OR51M1: variants seen among roughly 807,000 people sequenced by gnomAD.
OR51M1 encodes the protein olfactory receptor family 51 subfamily M member 1, also known as olfactory receptor 51M1.
For synonymous variants in OR51M1, 199 were observed against 155.1 expected, an observed-to-expected ratio of 1.28 and a Z score of -2.10; for missense variants, 509 against 404.4, an observed-to-expected ratio of 1.26 and a Z score of -2.22.
chr11:5,389,866 A>G lies in OR51M1; in HGVS notation c.468A>G (p.Ala156=). ...TCACTGGCCAGCAAGTGGTCAGAGC[A>G]GGCCTAATTGTCATCTTCCGGGGAC... ...VIITGQQVVR[A]GLIVIFRGPV... The change falls in exon 3 of 3, where the codon GCA becomes GCG. Residue 156 remains alanine (A), a synonymous_variant. Transcript: ENST00000642046. 1 of 1,613,652 alleles carries G rather than the reference A, an allele frequency of 6.2e-7. No homozygotes were observed. The highest frequency in any genetic ancestry group is 1.1e-5 in the South Asian group (1 of 91,076).
chr11:5,388,201 A>G (rs1012158960), intron 2 of OR51M1, among the ~76,000 whole-genome samples: 1 of 152,150 alleles, frequency 6.6e-6, no homozygotes, highest in Non-Finnish European at 1.5e-5. Context: ...TTCCAATGAT[A>G]TGGTGGCTAA....
At chr11:5,385,672 G>GTT (rs1849678079) in intron 2 of OR51M1, among the ~76,000 whole-genome samples, 1 of 150,848 alleles carries the variant, frequency 6.6e-6, no homozygotes, top group African/African-American at 2.4e-5. Context: ...TAAAGAATAC[G>GTT]TATAAATACT....
In OR51M1 at chr11:5,390,079, A is replaced by T. The variant is rs761975347; in HGVS notation, c.681A>T (p.Ala227=). The part of the protein sequence containing the change: ...FTVMLDLVLI[A]LSYGLILHTV... ...TGATGCTGGACCTGGTGCTCATCGC[A>T]CTGTCCTATGGACTCATCCTGCACA... is the stretch of plus-strand genomic sequence containing the variant. The change falls in exon 3 of 3, where the codon GCA becomes GCT. Residue 227 remains alanine (A), a synonymous_variant. Coordinates refer to ENST00000642046, the MANE Select transcript of OR51M1 (RefSeq NM_001004756.3). The T allele has an allele frequency of 6.2e-7, 1 of 1,613,732 alleles. No individual in the cohort carries two copies. Among genetic ancestry groups the T allele is most frequent in the East Asian group, 2.2e-5 (1 of 44,868 alleles).
rs1025063115 is a variant in OR51M1, at chr11:5,391,191, C to G, written c.*812C>G. 1 of 152,232 alleles carries G rather than the reference C, an allele frequency of 6.6e-6. No homozygotes were observed. Among genetic ancestry groups the G allele is most frequent in the African/African-American group, 2.4e-5 (1 of 41,468 alleles). The allele number at this position is 152,232 out of a possible 1,614,324, so 9.4% of individuals were successfully genotyped here. On this transcript the variant is annotated 3_prime_UTR_variant, in exon 3 of 3. Transcript: ENST00000642046. The stretch of plus-strand genomic sequence containing the variant: ...ATCCCATTGCTCAGGAGGAAATAAA[C>G]TTTACATTGGCTGATCAGCCTGTCC...
In OR51M1 at chr11:5,393,041, A is replaced by G. The variant is rs888656048; in HGVS notation, c.*2662A>G. 6.6e-6 allele frequency: 1 copy of G among 152,238 alleles called. No individual in the cohort carries two copies. The highest frequency in any genetic ancestry group is 2.4e-5 in the African/African-American group (1 of 41,466). 9.4% of individuals were successfully genotyped at this position (152,238 alleles called of 1,614,324 possible). On this transcript the variant is annotated 3_prime_UTR_variant, in exon 3 of 3. Coordinates refer to ENST00000642046, the MANE Select transcript of OR51M1 (RefSeq NM_001004756.3). ...TATAAAAAACAAAATACATCAAAAG[A>G]CTTGAAAATATTCATGCTCTGTGTC...
At chr11:5,384,386 G>A (rs12360746) in intron 1 of OR51M1, among the ~76,000 whole-genome samples, 184 of 152,206 alleles carry the variant, frequency 1.2e-3, no homozygotes, top group African/African-American at 4.2e-3. Context: ...AGAAACCAGG[G>A]TTCTCACAGA....
intron 2 of OR51M1, among the ~76,000 whole-genome samples, chr11:5,385,944 C>A (rs200539446): frequency 6.8e-6 from 1 of 147,934 alleles, no homozygotes; most frequent in African/African-American, 2.5e-5. Context: ...TAAGTATGTT[C>A]TATATATATA....
intron 2 of OR51M1, among the ~76,000 whole-genome samples, 197 bp from the exon 3 acceptor site, chr11:5,389,187 G>A (rs377665410): frequency 1.0e-3 from 155 of 152,230 alleles, no homozygotes; most frequent in African/African-American, 3.6e-3. Context: ...GAGAGGAACT[G>A]AAATAATTGA....
At chr11:5,387,572 TCATA>T (rs1409760023) in intron 2 of OR51M1, among the ~76,000 whole-genome samples, 1 of 152,156 alleles carries the variant, frequency 6.6e-6, no homozygotes, top group African/African-American at 2.4e-5. Flanking sequence ...ACCTGCAAGA[TCATA>T]CATGACGTAG....
rs753829908 is a variant in OR51M1 at position 5,389,595 on chromosome 11, G to A, written c.197G>A (p.Arg66His). 96 of 1,613,584 alleles carry A rather than the reference G, an allele frequency of 5.9e-5. No individual in the cohort carries two copies. The highest frequency in any genetic ancestry group is 1.6e-4 in the Middle Eastern group (1 of 6,084). Residue 66 changes from arginine to histidine, a missense_variant, in exon 3 of 3, where the codon CGT (arginine) becomes CAT (histidine). Transcript: ENST00000642046. Reference sequence around the variant, plus strand: ...CTGATCATTATTAAGACCAACCCTCGTCTGCACACACCCATGTACTATCTA... The same window carrying A: ...CTGATCATTATTAAGACCAACCCTCATCTGCACACACCCATGTACTATCTA... ...FILIIIKTNP[R>H]LHTPMYYLLS...
At position 5,389,468 on chromosome 11, in the gene OR51M1, T is replaced by TTCTA; in HGVS notation, c.74_77dup (p.Thr27SerfsTer37). ...CAACATTACTCAGTTTAGCCCCATATTCTATCTCACCAGCTTTCCTGGATT... is the reference window on the plus strand; with the variant it reads ...CAACATTACTCAGTTTAGCCCCATATTCTATCTATCTCACCAGCTTTCCTGGATT... On this transcript the variant is annotated frameshift_variant, in exon 3 of 3. Coordinates refer to ENST00000642046, the MANE Select transcript of OR51M1 (RefSeq NM_001004756.3). LOFTEE classifies it low-confidence loss of function (END_TRUNC). 1 of 1,614,018 alleles carries TTCTA rather than the reference T, an allele frequency of 6.2e-7. No individual in the cohort carries two copies. Among genetic ancestry groups the TTCTA allele is most frequent in the Non-Finnish European group, 8.5e-7 (1 of 1,179,874 alleles).
chr11:5,387,942 C>A (rs1055992436), intron 2 of OR51M1, among the ~76,000 whole-genome samples: 2 of 152,030 alleles, frequency 1.3e-5, no homozygotes, highest in Non-Finnish European at 2.9e-5. Flanking sequence ...TGTTTCTGTT[C>A]ATTGTATTTT....
intron 2 of OR51M1, among the ~76,000 whole-genome samples, chr11:5,387,138 A>G (rs1228343205): frequency 2.0e-5 from 3 of 152,180 alleles, no homozygotes; most frequent in African/African-American, 7.2e-5. Flanking sequence ...AAACTGAATA[A>G]CATAAATATT....
Position 5,390,390 on chromosome 11 carries a change from T to G in OR51M1, c.*11T>G. ...AAGGCCAGTAAATGAGTCCTGGGGCTAAAACTCCCCCTAGAGGCCTATAAG... is the reference window on the plus strand; with the variant it reads ...AAGGCCAGTAAATGAGTCCTGGGGCGAAAACTCCCCCTAGAGGCCTATAAG... On this transcript the variant is annotated 3_prime_UTR_variant, in exon 3 of 3. Transcript: ENST00000642046. The G allele has an allele frequency of 6.4e-7, 1 of 1,572,498 alleles. No homozygotes were observed. Among genetic ancestry groups the G allele is most frequent in the South Asian group, 1.2e-5 (1 of 85,470 alleles).
chr11:5,386,721 G>C (rs555987290), intron 2 of OR51M1, among the ~76,000 whole-genome samples: 44 of 152,018 alleles, frequency 2.9e-4, no homozygotes, highest in African/African-American at 1.1e-3. Flanking sequence ...AGCAGGTGTG[G>C]AAAAGCTAAG....
At position 5,389,431 on chromosome 11, in the gene OR51M1, C is replaced by A. The variant is rs1367075906; in HGVS notation, c.33C>A (p.Phe11Leu). ...TCCAATATTCGCTCAGTCCTCAATT[C>A]ATGCTGCTATCCAACATTACTCAGT... is the stretch of plus-strand genomic sequence containing the variant. MSVQYSLSPQ[F>L]MLLSNITQFS... is the part of the protein sequence containing the mutation. The change falls in exon 3 of 3, where the codon TTC becomes TTA. Residue 11 changes from phenylalanine (F) to leucine (L), a missense_variant. Physicochemically the swap from Phe to Leu is conservative, Grantham distance 22. Coordinates refer to ENST00000642046, the MANE Select transcript of OR51M1 (RefSeq NM_001004756.3). 7 of 1,613,788 alleles carry A rather than the reference C, an allele frequency of 4.3e-6. No individual in the cohort carries two copies. The Admixed American group carries it at 6.7e-5, about 15-fold the overall frequency.
chr11:5,386,343 TAG>T (rs1392196444), intron 2 of OR51M1, among the ~76,000 whole-genome samples: 3 of 152,168 alleles, frequency 2.0e-5, no homozygotes, highest in African/African-American at 7.2e-5. Flanking sequence ...GGGCCATGCA[TAG>T]AGAGACAAAG....
rs1849796424 is a variant in OR51M1, at chr11:5,391,630, A to C, written c.*1251A>C. ...CCTCTTCACATTCAGAAGCCCAAGA[A>C]GACACCTTTCTGCTGGCATCCATCA... On this transcript the variant is annotated 3_prime_UTR_variant, in exon 3 of 3. Coordinates refer to ENST00000642046, the MANE Select transcript of OR51M1 (RefSeq NM_001004756.3). The C allele has an allele frequency of 6.6e-6, 1 of 152,246 alleles. No individual in the cohort carries two copies. Among genetic ancestry groups the C allele is most frequent in the African/African-American group, 2.4e-5 (1 of 41,466 alleles). 9.4% of individuals were successfully genotyped at this position (152,246 alleles called of 1,614,324 possible).
At chr11:5,387,848 T>C (rs1849722909) in intron 2 of OR51M1, among the ~76,000 whole-genome samples, 1 of 152,170 alleles carries the variant, frequency 6.6e-6, no homozygotes, top group Non-Finnish European at 1.5e-5. Flanking sequence ...ACTCTTACCT[T>C]CCTCCTTTGC....
Sources: allele counts gnomAD v4.1 joint callset (sites outside exome capture counted in the v4.1 genomes callset), GRCh38; gene constraint gnomAD v4.1.1; transcripts MANE v1.5; gene names NCBI Gene and HGNC (gene_info 2026-07-23, HGNC 2026-07-21).